The following GTF3A variants were observed in gnomAD, a reference collection of about 807,000 sequenced individuals.
GTF3A encodes the protein general transcription factor IIIA, also known as transcription factor IIIA.
In GTF3A, 40 loss-of-function variants were observed where a neutral mutation model predicts 37.6. That is an observed-to-expected ratio of 1.06 (90% CI 0.83 to 1.38). The LOEUF (loss-of-function observed/expected upper bound fraction) is 1.38, where lower values mean the gene tolerates loss of function less well. Ranked by LOEUF, GTF3A falls within the 40% of genes most tolerant of loss-of-function variation. The probability of loss-of-function intolerance (pLI) is 0.00; values close to 1 mark genes in which losing one functional copy is unlikely to be tolerated. For synonymous variants in GTF3A, 191 were observed against 166.7 expected (o/e 1.15, Z -1.12); for missense variants, 500 against 462.6 (o/e 1.08, Z -0.74).
At chr13:27,428,124 A>AT (rs983796298) in intron 2 of GTF3A, among the ~76,000 whole-genome samples, 6 of 152,172 alleles carry the variant, frequency 3.9e-5, no homozygotes, top group Admixed American at 1.3e-4. Flanking sequence ...AAATAAATAA[A>AT]AAATTCCACA....
intron 1 of GTF3A, chr13:27,425,938 CCTT>C (rs1371955056): frequency 1.3e-5 from 2 of 152,722 alleles, no homozygotes; most frequent in Non-Finnish European, 2.9e-5. Flanking sequence ...TTCCTTGAGA[CCTT>C]CTCTGGTTCT....
At chr13:27,432,267 G>T (rs1036518176) in intron 4 of GTF3A, among the ~76,000 whole-genome samples, 1 of 152,168 alleles carries the variant, frequency 6.6e-6, no homozygotes, top group Non-Finnish European at 1.5e-5. Context: ...CTGCTTTGCT[G>T]CTGATGGCTT....
chr13:27,425,921 C>G (rs1953602316), intron 1 of GTF3A: 1 of 152,610 alleles, frequency 6.6e-6, no homozygotes, highest in African/African-American at 2.4e-5. Context: ...GGAAGGCCGA[C>G]CGCTTCTTCC....
intron 1 of GTF3A, chr13:27,425,798 T>G (rs564604111): frequency 6.0e-4 from 92 of 152,258 alleles, no homozygotes; most frequent in African/African-American, 2.2e-3. Context: ...AGCCCTTAAT[T>G]TCTTAAACCA....
chr13:27,435,666 T>G lies in GTF3A; in HGVS notation c.*69T>G, dbSNP rs138078620. ...GCTTTCTCTCAGAGCATGCTTTTCT[T>G]TATTAAAATTACTGATGCAGAACAT... is the stretch of plus-strand genomic sequence containing the variant. On this transcript the variant is annotated 3_prime_UTR_variant, in exon 9 of 9. Coordinates refer to ENST00000381140, the MANE Select transcript of GTF3A (RefSeq NM_002097.3). 7.0e-4 allele frequency: 1,131 copies of G among 1,613,274 alleles called. 2 individuals are homozygous for G. Among genetic ancestry groups the G allele is most frequent in the Non-Finnish European group, 9.2e-4 (1,091 of 1,179,504 alleles).
chr13:27,424,998 C>A (rs540131347), intron 1 of GTF3A, 60 bp downstream of exon 1: 1 of 1,323,748 alleles, frequency 7.6e-7, no homozygotes, highest in African/African-American at 1.5e-5. Context: ...CCGGGGTAGC[C>A]ACTGCAGTCG....
chr13:27,429,286 A>G (rs1292464593), intron 2 of GTF3A: 1 of 116,856 alleles, frequency 8.6e-6, no homozygotes, highest in Non-Finnish European at 1.8e-5. Flanking sequence ...AAGAGGCACA[A>G]ATTTTCTTTT....
chr13:27,429,967 G>GT lies in GTF3A; in HGVS notation c.399+2dup, dbSNP rs1953643167. 6.9e-7 allele frequency: 1 copy of GT among 1,439,540 alleles called. No individual in the cohort carries two copies. Among genetic ancestry groups the GT allele is most frequent in the South Asian group, 1.3e-5 (1 of 76,144 alleles). 89.2% of individuals were successfully genotyped at this position (1,439,540 alleles called of 1,614,324 possible). A position where few individuals can be genotyped will look rare whatever the true frequency, so the allele number is the denominator to read the frequency against. On this transcript the variant is annotated splice_donor_variant, in intron 3 of 8. Transcript: ENST00000381140. LOFTEE classifies it high-confidence loss of function. ...TGAAAATCAACAAAAACAATATATA[G>GT]TAAGTATGATTTTATATGCTTAAAT... is the stretch of plus-strand genomic sequence containing the variant.
chr13:27,431,196 G>A (rs935035527), intron 4 of GTF3A, among the ~76,000 whole-genome samples: 1 of 152,106 alleles, frequency 6.6e-6, no homozygotes, highest in African/African-American at 2.4e-5. Flanking sequence ...TAAGTATTTG[G>A]CTTTATTTCT....
intron 4 of GTF3A, among the ~76,000 whole-genome samples, chr13:27,431,903 A>G (rs1158621717): frequency 6.7e-6 from 1 of 149,540 alleles, no homozygotes; most frequent in African/African-American, 2.5e-5. Flanking sequence ...TCTGAAAGAA[A>G]TATTTAATGT....
At chr13:27,435,322 C>T (rs1953702554) in intron 8 of GTF3A, 111 bp from the exon 9 acceptor site, 3 of 1,297,526 alleles carry the variant, frequency 2.3e-6, no homozygotes, top group Non-Finnish European at 3.3e-6. Context: ...ACTTTACTTC[C>T]TCATAAAGCA....
rs1953697311 is a variant in GTF3A at position 27,435,040 on chromosome 13, C to T, written c.873+6C>T. 2 of 1,549,822 alleles carry T rather than the reference C, an allele frequency of 1.3e-6. No individual in the cohort carries two copies. Among genetic ancestry groups the T allele is most frequent in the Non-Finnish European group, 8.9e-7 (1 of 1,121,416 alleles). On this transcript the variant is annotated splice_donor_region_variant and intron_variant, in intron 7 of 8. Coordinates refer to ENST00000381140, the MANE Select transcript of GTF3A (RefSeq NM_002097.3). ...GCAAAACATTTGCAATGAAAGTAAG[C>T]ACTCACCCTCATACTCATGGTCCTA... is the stretch of plus-strand genomic sequence containing the variant.
chr13:27,434,804 G>T lies in GTF3A; in HGVS notation c.644-1G>T, dbSNP rs770008454. On this transcript the variant is annotated splice_acceptor_variant, in intron 6 of 8. Coordinates refer to ENST00000381140, the MANE Select transcript of GTF3A (RefSeq NM_002097.3). LOFTEE classifies it high-confidence loss of function. ...TGAAATTTGTCTGTCTGTCCCACCA[G>T]AGGAAATACTATGTGAAGTATGCCG... The T allele has an allele frequency of 3.8e-6, 6 of 1,589,326 alleles. No individual in the cohort carries two copies. Among genetic ancestry groups the T allele is most frequent in the Non-Finnish European group, 5.2e-6 (6 of 1,160,404 alleles).
intron 5 of GTF3A, 85 bp from the exon 6 acceptor site, chr13:27,434,054 T>C: frequency 2.8e-6 from 2 of 718,702 alleles, no homozygotes; most frequent in Non-Finnish European, 5.1e-6. Flanking sequence ...TGGAAAATTA[T>C]ATAGGCACCT....
chr13:27,432,859 T>G (rs1953669917), intron 5 of GTF3A, 55 bp downstream of exon 5: 12 of 1,384,636 alleles, frequency 8.7e-6, no homozygotes, highest in Non-Finnish European at 6.0e-6. Flanking sequence ...CCTGGGCGCC[T>G]TTGAATCTGT....
chr13:27,428,000 G>T (rs1355004269), intron 2 of GTF3A, among the ~76,000 whole-genome samples: 1 of 151,966 alleles, frequency 6.6e-6, no homozygotes, highest in Non-Finnish European at 1.5e-5. Context: ...TAGGCTGGGT[G>T]TGGTGGCTCA....
In GTF3A at chr13:27,430,532, G is replaced by A. The variant is rs1953647610; in HGVS notation, c.400-1G>A. ...ACTAACGAGCCTTTACAATTTAACA[G>A]TGCAGTTTTGAAGACTGTAAGAAGA... On this transcript the variant is annotated splice_acceptor_variant, in intron 3 of 8. Transcript: ENST00000381140. LOFTEE classifies it high-confidence loss of function. 6.3e-7 allele frequency: 1 copy of A among 1,590,796 alleles called. No homozygotes were observed. Among genetic ancestry groups the A allele is most frequent in the Non-Finnish European group, 8.6e-7 (1 of 1,159,706 alleles).
intron 8 of GTF3A, 93 bp downstream of exon 8, chr13:27,435,285 C>A: frequency 8.0e-7 from 1 of 1,252,196 alleles, no homozygotes; most frequent in Non-Finnish European, 1.1e-6. Flanking sequence ...ACCTGCTTTA[C>A]TGTTTGAGTC....
chr13:27,432,573 C>T (rs139997869), intron 4 of GTF3A, among the ~76,000 whole-genome samples, 158 bp from the exon 5 acceptor site: 128 of 152,256 alleles, frequency 8.4e-4, no homozygotes, highest in African/African-American at 3.0e-3. Flanking sequence ...GGTCAAGTAA[C>T]TTGAATCTCA....
Sources: gnomAD v4.1 joint callset for allele counts (sites outside exome capture counted in the v4.1 genomes callset) on GRCh38, gnomAD v4.1.1 for gene constraint, MANE v1.5 for transcripts, NCBI Gene and HGNC (gene_info 2026-07-23, HGNC 2026-07-21) for gene names.